The following COL26A1 variants were observed in gnomAD, a reference collection of about 807,000 sequenced individuals.
COL26A1 encodes the protein collagen alpha-1(XXVI) chain.
COL26A1 carries 41 observed loss-of-function variants against 59.3 expected under a neutral mutation model. The ratio of observed to expected loss-of-function variants is 0.69; its 90% CI spans 0.54 to 0.90. The LOEUF is 0.90. Among genes scored for constraint, COL26A1 ranks in the 40% least tolerant of loss-of-function variants. COL26A1 has a pLI of 0.00. For synonymous variants in COL26A1, 266 were observed against 256.0 expected, an observed-to-expected ratio of 1.04 and a Z score of -0.37; for missense variants, 612 against 602.3, an observed-to-expected ratio of 1.02 and a Z score of -0.17.
At chr7:101,414,339 C>T (rs1048340589) in intron 1 of COL26A1, among the ~76,000 whole-genome samples, 44 of 151,842 alleles carry the variant, frequency 2.9e-4, no homozygotes, top group African/African-American at 9.9e-4. Flanking sequence ...AACCCTCGGG[C>T]GGATCTCAGG....
intron 1 of COL26A1, among the ~76,000 whole-genome samples, chr7:101,393,932 T>A (rs776040060): frequency 6.6e-6 from 1 of 151,566 alleles, no homozygotes; most frequent in Non-Finnish European, 1.5e-5. Context: ...AATATTTTAT[T>A]TTTTAGATTA....
At chr7:101,456,316 A>G (rs921221005) in intron 3 of COL26A1, among the ~76,000 whole-genome samples, 10 of 151,554 alleles carry the variant, frequency 6.6e-5, no homozygotes, top group East Asian at 1.9e-4. Flanking sequence ...GGCTCAAGCA[A>G]TCCTCCTACC....
rs376460376 is a variant in COL26A1, at chr7:101,540,038, C to T, written c.593C>T (p.Thr198Met). 1.1e-4 allele frequency: 175 copies of T among 1,611,720 alleles called. 1 individual carries two copies. The highest frequency in any genetic ancestry group is 8.2e-4 in the Admixed American group (49 of 59,740). ...CCTGTGCCACGACAGAGAAGGCCCA[C>T]GGGCCCAGCCGGTGAGTGAGGGCTG... ...AHPVPRQRRP[T>M]GPAGPPGQTG... The change falls in exon 5 of 13, where the codon ACG (threonine) becomes ATG (methionine). Residue 198 changes from threonine (T) to methionine (M), a missense_variant. Transcript: ENST00000313669.
chr7:101,372,816 C>G (rs1049784889), intron 1 of COL26A1, among the ~76,000 whole-genome samples: 5 of 151,970 alleles, frequency 3.3e-5, no homozygotes, highest in Non-Finnish European at 7.4e-5. Context: ...GGCAACACAG[C>G]AAGACCCCGT....
intron 3 of COL26A1, among the ~76,000 whole-genome samples, chr7:101,466,837 T>TGTGAGAGAGA (rs764059657): frequency 2.4e-5 from 3 of 122,642 alleles, no homozygotes; most frequent in African/African-American, 9.6e-5. Context: ...TGTGTGTGTG[T>TGTGAGAGAGA]GAGAGAGAGA....
intron 1 of COL26A1, among the ~76,000 whole-genome samples, chr7:101,408,651 T>G (rs1792180693): frequency 6.6e-6 from 1 of 152,230 alleles, no homozygotes; most frequent in South Asian, 2.1e-4. Flanking sequence ...CTCTGTTGAC[T>G]CATGCTGAAC....
At chr7:101,517,569 G>A (rs145970675) in intron 3 of COL26A1, among the ~76,000 whole-genome samples, 7 of 152,164 alleles carry the variant, frequency 4.6e-5, no homozygotes, top group African/African-American at 1.4e-4. Flanking sequence ...TCACTATCAC[G>A]AGAACGGCAT....
At chr7:101,402,089 G>T (rs1211726641) in intron 1 of COL26A1, among the ~76,000 whole-genome samples, 4 of 152,178 alleles carry the variant, frequency 2.6e-5, no homozygotes, top group African/African-American at 7.2e-5. Flanking sequence ...CTTTGCAGGG[G>T]AACTGAGGAA....
At chr7:101,410,811 C>T (rs1304665594) in intron 1 of COL26A1, among the ~76,000 whole-genome samples, 1 of 152,168 alleles carries the variant, frequency 6.6e-6, no homozygotes, top group Non-Finnish European at 1.5e-5. Flanking sequence ...GATTCTTCTA[C>T]CTCACCCTTC....
chr7:101,496,372 C>T (rs1242480567), intron 3 of COL26A1, among the ~76,000 whole-genome samples: 2 of 152,182 alleles, frequency 1.3e-5, no homozygotes, highest in Non-Finnish European at 2.9e-5. Context: ...TTAATCATAG[C>T]GTCACTAAAT....
chr7:101,386,582 T>C (rs539118349), intron 1 of COL26A1, among the ~76,000 whole-genome samples: 2 of 152,076 alleles, frequency 1.3e-5, no homozygotes, highest in Non-Finnish European at 2.9e-5. Flanking sequence ...CCCAGAAGGT[T>C]ATGTCTGTCA....
intron 1 of COL26A1, among the ~76,000 whole-genome samples, chr7:101,419,102 TCCC>T (rs1792449197): frequency 3.5e-5 from 1 of 28,876 alleles, no homozygotes; most frequent in Admixed American, 3.9e-4. Context: ...TCCCCTCCCC[TCCC>T]CTCCCCTCTT....
chr7:101,453,354 G>A (rs560683860), intron 3 of COL26A1, among the ~76,000 whole-genome samples: 15 of 151,862 alleles, frequency 9.9e-5, no homozygotes, highest in African/African-American at 1.9e-4. Context: ...TTGACAGAGC[G>A]AGACCCTGTC....
chr7:101,481,631 T>C (rs900401822), intron 3 of COL26A1, among the ~76,000 whole-genome samples: 8 of 151,818 alleles, frequency 5.3e-5, no homozygotes, highest in Non-Finnish European at 1.2e-4. Flanking sequence ...TTAAATATTT[T>C]GTAGAAACGG....
At chr7:101,475,736 T>TTTCC (rs963723135) in intron 3 of COL26A1, among the ~76,000 whole-genome samples, 2 of 151,562 alleles carry the variant, frequency 1.3e-5, no homozygotes, top group African/African-American at 2.4e-5. Flanking sequence ...GATTCCTTCC[T>TTTCC]TTCCTTCCTT....
chr7:101,473,840 G>A (rs1793969747), intron 3 of COL26A1, among the ~76,000 whole-genome samples: 1 of 146,954 alleles, frequency 6.8e-6, no homozygotes, highest in Non-Finnish European at 1.5e-5. Flanking sequence ...GTGACAGAGT[G>A]AAACCCTGTC....
chr7:101,369,122 G>T (rs1452831915), intron 1 of COL26A1, among the ~76,000 whole-genome samples: 1 of 152,016 alleles, frequency 6.6e-6, no homozygotes, highest in Non-Finnish European at 1.5e-5. Context: ...AAAAAGCAAA[G>T]ATGGGGGGGC....
At chr7:101,526,932 C>T (rs747021622) in intron 3 of COL26A1, among the ~76,000 whole-genome samples, 4 of 152,174 alleles carry the variant, frequency 2.6e-5, no homozygotes, top group Non-Finnish European at 5.9e-5. Context: ...CTCTATAGTT[C>T]TCTTTACAAT....
At chr7:101,534,499 C>G (rs943935899) in intron 4 of COL26A1, among the ~76,000 whole-genome samples, 2 of 152,134 alleles carry the variant, frequency 1.3e-5, no homozygotes, top group Admixed American at 1.3e-4. Context: ...CATATATACA[C>G]ATACAGACAC....
Sources: gnomAD v4.1 joint callset for allele counts (sites outside exome capture counted in the v4.1 genomes callset) on GRCh38, gnomAD v4.1.1 for gene constraint, MANE v1.5 for transcripts, NCBI Gene and HGNC (gene_info 2026-07-23, HGNC 2026-07-21) for gene names.